TMTC3: variants seen among roughly 807,000 people sequenced by gnomAD.
TMTC3 encodes the protein transmembrane O-mannosyltransferase targeting cadherins 3.
Under a neutral mutation model 92.2 loss-of-function variants are expected in TMTC3, and 52 were observed. That is an observed-to-expected ratio of 0.56 (90% CI 0.45 to 0.71). The LOEUF (loss-of-function observed/expected upper bound fraction) is 0.71. Among genes scored for constraint, TMTC3 ranks in the 30% least tolerant of loss-of-function variants. TMTC3 has a pLI of 0.00. For missense variants in TMTC3, 896 were observed against 1,057.1 expected (o/e 0.85, Z 2.11); for synonymous variants, 339 against 363.3 (o/e 0.93, Z 0.76).
intron 4 of TMTC3, among the ~76,000 whole-genome samples, chr12:88,158,313 C>T (rs189898236): frequency 1.2e-4 from 19 of 152,242 alleles, no homozygotes; most frequent in Admixed American, 9.8e-4. Context: ...CTACATCCAC[C>T]TTTCCCAATT....
rs182489152 is a variant in TMTC3, at chr12:88,186,573, G to T, written c.1433-2270G>T. On this transcript the variant is annotated intron_variant, in intron 10 of 13. Transcript: ENST00000266712. The stretch of plus-strand genomic sequence containing the variant: ...GTTAACTCATGCTGCTGTTGTTTTG[G>T]ATAGGTACTGGTAAGAGTGGGCTTG... 3.8e-3 allele frequency among the ~76,000 whole-genome samples: 583 copies of T among 152,210 alleles called. 19 individuals are homozygous for T. Among genetic ancestry groups the T allele is most frequent in the Admixed American group, 0.033 (502 of 15,276 alleles).
In TMTC3 at chr12:88,192,744, C is replaced by G; in HGVS notation, c.1847C>G (p.Ala616Gly). The G allele has an allele frequency of 6.2e-7, 1 of 1,613,370 alleles. No homozygotes were observed. The highest frequency in any genetic ancestry group is 8.5e-7 in the Non-Finnish European group (1 of 1,179,636). Reference sequence around the variant, plus strand: ...ATTGAACTTAAAGAACCAAATGAAGCCCTAAAAAACTTTAATCGTGCTCTG... The same window carrying G: ...ATTGAACTTAAAGAACCAAATGAAGGCCTAAAAAACTTTAATCGTGCTCTG... ...VHIELKEPNE[A>G]LKNFNRALEL... The change falls in exon 13 of 14, where the codon GCC (alanine) becomes GGC (glycine). Residue 616 changes from alanine to glycine, a missense_variant. Coordinates refer to ENST00000266712, the MANE Select transcript of TMTC3 (RefSeq NM_181783.4).
chr12:88,183,132 A>T (rs945181716), intron 10 of TMTC3, among the ~76,000 whole-genome samples: 1 of 152,014 alleles, frequency 6.6e-6, no homozygotes, highest in Admixed American at 6.6e-5. Context: ...CAACTAATTC[A>T]TGGGCCAACT....
chr12:88,169,156 C>G (rs968827553), intron 7 of TMTC3, among the ~76,000 whole-genome samples: 1 of 152,116 alleles, frequency 6.6e-6, no homozygotes, highest in African/African-American at 2.4e-5. Flanking sequence ...AGGAACTTTC[C>G]AGAGAAACCT....
intron 4 of TMTC3, among the ~76,000 whole-genome samples, chr12:88,159,746 TATAAAGATATCTGTC>T: frequency 6.6e-6 from 1 of 152,108 alleles, no homozygotes; most frequent in African/African-American, 2.4e-5. Flanking sequence ...TTTAATAAGG[TATAAAGATATCTGTC>T]ATAATTTCAG....
chr12:88,142,711 ATAGT>A (rs949595591), intron 1 of TMTC3, among the ~76,000 whole-genome samples: 18 of 152,170 alleles, frequency 1.2e-4, no homozygotes, highest in African/African-American at 3.4e-4. Flanking sequence ...ATCTGTCTTG[ATAGT>A]TAGAGTGAGA....
Position 88,198,662 on chromosome 12 carries a change from C to T in TMTC3, c.*3013C>T, listed in dbSNP as rs2041543794. The T allele has an allele frequency of 2.8e-6, 1 of 361,328 alleles. No individual in the cohort carries two copies. The highest frequency in any genetic ancestry group is 4.9e-6 in the Non-Finnish European group (1 of 203,210). The allele number at this position is 361,328 out of a possible 1,614,324, so 22.4% of individuals were successfully genotyped here. On this transcript the variant is annotated 3_prime_UTR_variant, in exon 14 of 14. Transcript: ENST00000266712. ...GTGAATTACACAGTTCTAATAAAAC[C>T]TCATGCCTTTTCATTACATCTAATT...
intron 6 of TMTC3, among the ~76,000 whole-genome samples, chr12:88,162,071 G>A (rs868612097): frequency 2.0e-5 from 3 of 151,962 alleles, no homozygotes; most frequent in Non-Finnish European, 2.9e-5. Flanking sequence ...TAGCACTTCT[G>A]ATTAAAAATA....
chr12:88,179,151 G>GT (rs2041290236), intron 10 of TMTC3, among the ~76,000 whole-genome samples: 1 of 152,128 alleles, frequency 6.6e-6, no homozygotes, highest in African/African-American at 2.4e-5. Context: ...TGAATAAAGC[G>GT]TTTTTTAAAC....
chr12:88,190,333 C>T, intron 11 of TMTC3, 120 bp from the exon 12 acceptor site: 13 of 816,074 alleles, frequency 1.6e-5, no homozygotes, highest in Non-Finnish European at 2.4e-5. Context: ...CCTGATCTCT[C>T]AGTCCAGTGT....
intron 2 of TMTC3, among the ~76,000 whole-genome samples, chr12:88,151,267 C>G (rs944847107): frequency 6.6e-6 from 1 of 151,958 alleles, no homozygotes; most frequent in Non-Finnish European, 1.5e-5. Context: ...TGGCATTTGG[C>G]CTATAAAGTA....
At chr12:88,181,746 G>A (rs35447175) in intron 10 of TMTC3, among the ~76,000 whole-genome samples, 3 of 152,140 alleles carry the variant, frequency 2.0e-5, no homozygotes, top group African/African-American at 7.2e-5. Context: ...GAGCAGAAAA[G>A]GTCTCCAGGG....
chr12:88,155,967 A>C (rs2468232), intron 4 of TMTC3, among the ~76,000 whole-genome samples: 1 of 152,014 alleles, frequency 6.6e-6, no homozygotes, highest in East Asian at 1.9e-4. Flanking sequence ...AAAATTAGCC[A>C]GGCGTAGTGG....
intron 2 of TMTC3, among the ~76,000 whole-genome samples, chr12:88,150,699 C>T (rs2040932373): frequency 6.6e-6 from 1 of 152,044 alleles, no homozygotes; most frequent in South Asian, 2.1e-4. Flanking sequence ...TCTAGGTAAT[C>T]CTTAGGTGTC....
chr12:88,147,075 TA>T (rs1306876350), intron 1 of TMTC3, among the ~76,000 whole-genome samples: 9 of 150,148 alleles, frequency 6.0e-5, no homozygotes, highest in African/African-American at 1.9e-4. Context: ...TATTTTTATA[TA>T]TTTTTAAATT....
chr12:88,193,991 TG>T (rs2041474470), intron 13 of TMTC3, among the ~76,000 whole-genome samples: 1 of 151,686 alleles, frequency 6.6e-6, no homozygotes, highest in Non-Finnish European at 1.5e-5. Flanking sequence ...GAGGCCAGGG[TG>T]GGGAGGATCA....
intron 6 of TMTC3, 133 bp from the exon 7 acceptor site, chr12:88,166,197 A>G (rs1225501244): frequency 1.2e-6 from 1 of 854,736 alleles, no homozygotes; most frequent in African/African-American, 1.7e-5. Flanking sequence ...TCTGAGGTAC[A>G]CATAACATTT....
intron 6 of TMTC3, among the ~76,000 whole-genome samples, chr12:88,164,061 G>A (rs2041113155): frequency 1.3e-5 from 2 of 151,780 alleles, no homozygotes; most frequent in African/African-American, 4.8e-5. Context: ...GCGTGGTGGT[G>A]CACGACTGAT....
chr12:88,175,379 CT>C (rs1159417914), intron 9 of TMTC3, among the ~76,000 whole-genome samples: 1 of 152,114 alleles, frequency 6.6e-6, no homozygotes, highest in Non-Finnish European at 1.5e-5. Context: ...ACCAGTACCC[CT>C]CTTCAGATAT....
Sources: gnomAD v4.1 joint callset for allele counts (sites outside exome capture counted in the v4.1 genomes callset) on GRCh38, gnomAD v4.1.1 for gene constraint, MANE v1.5 for transcripts, NCBI Gene and HGNC (gene_info 2026-07-23, HGNC 2026-07-21) for gene names.